Variants in MTMR7 observed in about 807,000 individuals in gnomAD.
MTMR7 encodes myotubularin related protein 7.
MTMR7 carries 76 observed loss-of-function variants against 81.2 expected under a neutral mutation model. That is an observed-to-expected ratio of 0.94 (90% CI 0.78 to 1.13). The LOEUF (loss-of-function observed/expected upper bound fraction) is 1.13, where lower values mean the gene tolerates loss of function less well. MTMR7 is among the 50% of genes most tolerant of loss of function. The pLI, the probability that MTMR7 is intolerant of heterozygous loss-of-function variation, is 0.00. For missense variants in MTMR7, 1,044 were observed against 820.0 expected, an observed-to-expected ratio of 1.27 and a Z score of -3.34; for synonymous variants, 372 against 289.8, an observed-to-expected ratio of 1.28 and a Z score of -2.88.
chr8:17,383,055 G>A (rs919335085), intron 1 of MTMR7, among the ~76,000 whole-genome samples: 1 of 151,680 alleles, frequency 6.6e-6, no homozygotes, highest in Non-Finnish European at 1.5e-5. Flanking sequence ...GGGCCTGTTG[G>A]CAGCTCAGAT....
intron 1 of MTMR7, among the ~76,000 whole-genome samples, chr8:17,382,238 C>G (rs1022171802): frequency 6.6e-6 from 1 of 152,216 alleles, no homozygotes; most frequent in African/African-American, 2.4e-5. Flanking sequence ...ATCCAGTGTT[C>G]TGGTCCCAAA....
rs2150451288 is a variant in MTMR7, at chr8:17,299,280, A to C, written c.*582T>G. 6.6e-6 allele frequency: 1 copy of C among 152,446 alleles called. No homozygotes were observed. The highest frequency in any genetic ancestry group is 2.1e-4 in the South Asian group (1 of 4,830). 9.4% of individuals were successfully genotyped at this position (152,446 alleles called of 1,614,324 possible). A position where few individuals can be genotyped will look rare whatever the true frequency, so the allele number is the denominator to read the frequency against. ...AGCAACAAAATTATTCTCACAATTC[A>C]AAATATATGCTCCAAGGAAAAGTTA... On this transcript the variant is annotated 3_prime_UTR_variant, in exon 14 of 14. Transcript: ENST00000180173.
chr8:17,363,462 C>CTGAT (rs1319653270), intron 3 of MTMR7, among the ~76,000 whole-genome samples: 2 of 152,140 alleles, frequency 1.3e-5, no homozygotes, highest in African/African-American at 4.8e-5. Flanking sequence ...TGCGTGTGGG[C>CTGAT]TGATACCTGT....
chr8:17,389,628 G>A (rs1458028232), intron 1 of MTMR7, among the ~76,000 whole-genome samples: 2 of 152,094 alleles, frequency 1.3e-5, no homozygotes, highest in African/African-American at 4.8e-5. Context: ...ATTATGTGAT[G>A]GCTTATAGGT....
chr8:17,325,884 A>G (rs2150519556), intron 7 of MTMR7, among the ~76,000 whole-genome samples: 1 of 152,332 alleles, frequency 6.6e-6, no homozygotes, highest in African/African-American at 2.4e-5. Context: ...CCTACAGCCC[A>G]TCAACGTATC....
intron 13 of MTMR7, 39 bp downstream of exon 13, chr8:17,302,115 A>G: frequency 1.2e-6 from 2 of 1,613,164 alleles, no homozygotes; most frequent in Non-Finnish European, 1.7e-6. Flanking sequence ...TTCAAGAAAT[A>G]AGCACAGAAA....
intron 1 of MTMR7, among the ~76,000 whole-genome samples, chr8:17,380,975 A>G (rs1820740065): frequency 6.6e-6 from 1 of 152,208 alleles, no homozygotes; most frequent in African/African-American, 2.4e-5. Context: ...ACACTAGCAG[A>G]CTTCGGGTAT....
intron 5 of MTMR7, among the ~76,000 whole-genome samples, chr8:17,343,479 A>T (rs56930544): frequency 0.028 from 4,238 of 152,230 alleles, 171 homozygotes; most frequent in African/African-American, 0.08. Context: ...ACAATCTTAG[A>T]TTCCATCAGA....
intron 1 of MTMR7, among the ~76,000 whole-genome samples, chr8:17,386,822 G>C (rs1455792638): frequency 6.6e-6 from 1 of 152,220 alleles, no homozygotes. Flanking sequence ...TGGATTGGCA[G>C]TACGCCACAC....
At chr8:17,378,018 T>C (rs991039329) in intron 1 of MTMR7, among the ~76,000 whole-genome samples, 3 of 152,210 alleles carry the variant, frequency 2.0e-5, no homozygotes, top group Admixed American at 2.0e-4. Flanking sequence ...TAGAGGAAGC[T>C]GTATCACTTA....
At chr8:17,391,131 G>A (rs1027330476) in intron 1 of MTMR7, among the ~76,000 whole-genome samples, 1 of 152,182 alleles carries the variant, frequency 6.6e-6, no homozygotes, top group Non-Finnish European at 1.5e-5. Flanking sequence ...GGGTCTACGA[G>A]GACGTGAGGA....
chr8:17,368,065 C>A (rs759656515), intron 3 of MTMR7, among the ~76,000 whole-genome samples: 1 of 151,986 alleles, frequency 6.6e-6, no homozygotes, highest in Non-Finnish European at 1.5e-5. Context: ...TTGTGGAAGA[C>A]AATTTTTCTG....
chr8:17,351,368 A>G (rs557558758), intron 4 of MTMR7, among the ~76,000 whole-genome samples: 1 of 152,320 alleles, frequency 6.6e-6, no homozygotes, highest in African/African-American at 2.4e-5. Context: ...GTTCACTGGC[A>G]TCAAGGCCCT....
Position 17,328,941 on chromosome 8 carries a change from G to A in MTMR7, c.865+2209C>T, listed in dbSNP as rs369366146. ...AAGTTAAAATTAGATCATCTCTATA[G>A]AGGACCTACACAGGATGTGAACTTG... On this transcript the variant is annotated intron_variant, in intron 7 of 13. Transcript: ENST00000180173. Among the ~76,000 whole-genome samples the A allele has an allele frequency of 3.2e-4, 48 of 152,212 alleles. No individual in the cohort carries two copies. In the South Asian group the frequency reaches 9.5e-3, roughly 30 times the overall value.
At chr8:17,313,946 A>G (rs1193920169) in intron 7 of MTMR7, among the ~76,000 whole-genome samples, 1 of 152,204 alleles carries the variant, frequency 6.6e-6, no homozygotes, top group Non-Finnish European at 1.5e-5. Flanking sequence ...AAGGCCTGTA[A>G]GCTTAAAAAT....
intron 11 of MTMR7, 43 bp downstream of exon 11, chr8:17,305,714 T>G: frequency 6.6e-7 from 1 of 1,522,956 alleles, no homozygotes; most frequent in Non-Finnish European, 9.0e-7. Flanking sequence ...GTCATCAAAA[T>G]CTTTAAATAA....
intron 12 of MTMR7, among the ~76,000 whole-genome samples, chr8:17,303,683 C>T (rs530794955): frequency 1.3e-5 from 2 of 151,664 alleles, no homozygotes; most frequent in South Asian, 4.2e-4. Flanking sequence ...GATCTCGGCT[C>T]ACCGCAACCT....
intron 1 of MTMR7, among the ~76,000 whole-genome samples, chr8:17,384,914 T>C (rs1156856429): frequency 1.3e-5 from 2 of 152,164 alleles, no homozygotes; most frequent in Non-Finnish European, 2.9e-5. Context: ...GAATTGAGCA[T>C]AATCCAAGAA....
chr8:17,322,828 T>C (rs961396789), intron 7 of MTMR7, among the ~76,000 whole-genome samples: 1 of 152,116 alleles, frequency 6.6e-6, no homozygotes, highest in African/African-American at 2.4e-5. Flanking sequence ...CTCTCTCTTA[T>C]TTTAAAAATA....
Sources: allele counts gnomAD v4.1 joint callset (sites outside exome capture counted in the v4.1 genomes callset), GRCh38; gene constraint gnomAD v4.1.1; transcripts MANE v1.5; gene names NCBI Gene and HGNC (gene_info 2026-07-23, HGNC 2026-07-21).